DNAH3: variants seen among roughly 807,000 people sequenced by gnomAD.
DNAH3 encodes the protein axonemal beta dynein heavy chain 3.
A neutral mutation model predicts 432.5 loss-of-function variants in DNAH3; 332 were observed. The observed-to-expected ratio is 0.77, with a 90% confidence interval of 0.70 to 0.84. The LOEUF (loss-of-function observed/expected upper bound fraction) is 0.84. DNAH3 is among the 40% of genes least tolerant of loss of function. The probability of loss-of-function intolerance (pLI) is 0.00; values close to 1 mark genes in which losing one functional copy is unlikely to be tolerated. For missense variants in DNAH3, 4,861 were observed against 5,114.0 expected (o/e 0.95, Z 1.51); for synonymous variants, 1,956 against 1,900.2 (o/e 1.03, Z -0.76).
At chr16:21,152,139 C>G (rs2092859384) in intron 1 of DNAH3, among the ~76,000 whole-genome samples, 1 of 152,042 alleles carries the variant, frequency 6.6e-6, no homozygotes, top group Non-Finnish European at 1.5e-5. Flanking sequence ...GGGGCTGAGG[C>G]AGGAGAATCG....
intron 26 of DNAH3, among the ~76,000 whole-genome samples, 182 bp downstream of exon 26, chr16:21,060,082 A>C (rs2090290436): frequency 6.6e-6 from 1 of 152,180 alleles, no homozygotes; most frequent in African/African-American, 2.4e-5. Flanking sequence ...TCTAACTGCC[A>C]GTATTTCACC....
At chr16:21,153,861 T>C (rs2092880558) in intron 1 of DNAH3, among the ~76,000 whole-genome samples, 1 of 152,238 alleles carries the variant, frequency 6.6e-6, no homozygotes, top group African/African-American at 2.4e-5. Context: ...TTTCCCCCTT[T>C]TTCTACTCCT....
At chr16:21,051,898 C>T in intron 28 of DNAH3, 30 bp from the exon 29 acceptor site, 2 of 1,598,910 alleles carry the variant, frequency 1.3e-6, no homozygotes, top group Non-Finnish European at 1.7e-6. Flanking sequence ...GAAACACGCA[C>T]ACAGAGCCAT....
intron 45 of DNAH3, 34 bp downstream of exon 45, chr16:20,987,908 G>A: frequency 6.2e-7 from 1 of 1,614,054 alleles, no homozygotes; most frequent in Non-Finnish European, 8.5e-7. Flanking sequence ...AGAACCCCCA[G>A]CCCACTATCC....
intron 22 of DNAH3, among the ~76,000 whole-genome samples, chr16:21,070,146 A>C (rs775707373): frequency 6.6e-6 from 1 of 152,150 alleles, no homozygotes; most frequent in Non-Finnish European, 1.5e-5. Flanking sequence ...TACTACCATA[A>C]GATGCTTCCC....
chr16:21,125,958 C>A (rs12149153), intron 8 of DNAH3, among the ~76,000 whole-genome samples: 100 of 152,118 alleles, frequency 6.6e-4, no homozygotes, highest in Non-Finnish European at 9.3e-4. Flanking sequence ...ACCAGCCCGG[C>A]CAACATGGCA....
chr16:21,034,147 A>C, intron 35 of DNAH3, 62 bp from the exon 36 acceptor site: 1 of 1,112,242 alleles, frequency 9.0e-7, no homozygotes, highest in Non-Finnish European at 1.3e-6. Context: ...ATTGTGAGTT[A>C]GTCAGAAGTC....
intron 36 of DNAH3, 79 bp from the exon 37 acceptor site, chr16:21,031,365 C>A: frequency 4.6e-6 from 7 of 1,527,822 alleles, no homozygotes; most frequent in South Asian, 1.2e-5. Context: ...GTCATCTCAA[C>A]AACCAATCAA....
intron 16 of DNAH3, among the ~76,000 whole-genome samples, chr16:21,103,577 G>T (rs1051604587): frequency 6.6e-6 from 1 of 152,082 alleles, no homozygotes; most frequent in Non-Finnish European, 1.5e-5. Flanking sequence ...CAAATGTTTT[G>T]CACTCCCTGG....
At chr16:21,072,498 T>C (rs1278623971) in intron 21 of DNAH3, among the ~76,000 whole-genome samples, 1 of 152,132 alleles carries the variant, frequency 6.6e-6, no homozygotes, top group African/African-American at 2.4e-5. Context: ...GGCTAATTTT[T>C]GTACTTTTAG....
intron 29 of DNAH3, among the ~76,000 whole-genome samples, chr16:21,050,387 G>A (rs330138): frequency 0.12 from 18,718 of 152,142 alleles, 1,441 homozygotes; most frequent in African/African-American, 0.2. Context: ...ACATTCCAAA[G>A]ATCACCAGTG....
At chr16:21,074,347 G>T (rs950246869) in intron 21 of DNAH3, among the ~76,000 whole-genome samples, 2 of 152,156 alleles carry the variant, frequency 1.3e-5, no homozygotes, top group African/African-American at 4.8e-5. Flanking sequence ...GGAGGAGCCA[G>T]GAAGAATCCA....
intron 33 of DNAH3, among the ~76,000 whole-genome samples, chr16:21,039,368 G>A (rs999182900): frequency 1.3e-5 from 2 of 151,812 alleles, no homozygotes; most frequent in African/African-American, 2.4e-5. Context: ...ACAGGTGCAC[G>A]CCACCAAGCC....
At chr16:21,054,351 C>A (rs1435792984) in intron 28 of DNAH3, 69 bp downstream of exon 28, 35 of 1,204,036 alleles carry the variant, frequency 2.9e-5, no homozygotes, top group Non-Finnish European at 4.3e-5. Context: ...TCCAGGAGAA[C>A]TGAGATGAGC....
chr16:21,144,767 A>C (rs556756375), intron 3 of DNAH3, among the ~76,000 whole-genome samples: 1 of 152,238 alleles, frequency 6.6e-6, no homozygotes, highest in South Asian at 2.1e-4. Context: ...AGGCTTTGCA[A>C]AGTCTCCAAA....
rs2092642110 is a variant in DNAH3, at chr16:21,136,308, T to C, written c.886+16A>G. ...CATAGAAGCTCCCCAGCCCCCTTTA[T>C]GCCCACCAGCCTTACCGATGCTTTT... On this transcript the variant is annotated intron_variant, in intron 6 of 61. Coordinates refer to ENST00000261383, the Ensembl canonical transcript of DNAH3. 1.9e-6 allele frequency: 3 copies of C among 1,612,476 alleles called. No homozygotes were observed. Among genetic ancestry groups the C allele is most frequent in the Middle Eastern group, 3.3e-4 (2 of 6,052 alleles).
At chr16:21,047,873 T>G (rs1246502674) in intron 31 of DNAH3, among the ~76,000 whole-genome samples, 2 of 150,864 alleles carry the variant, frequency 1.3e-5, no homozygotes, top group Non-Finnish European at 3.0e-5. Context: ...GTCCTTTCTG[T>G]TTGTTAGTTT....
At chr16:20,983,744 G>A (rs1476361834) in intron 48 of DNAH3, among the ~76,000 whole-genome samples, 2 of 152,060 alleles carry the variant, frequency 1.3e-5, no homozygotes, top group Non-Finnish European at 2.9e-5. Flanking sequence ...CTGGCACAGT[G>A]GCTCACGTCT....
At chr16:21,013,150 G>T (rs2087688534) in intron 41 of DNAH3, among the ~76,000 whole-genome samples, 1 of 151,974 alleles carries the variant, frequency 6.6e-6, no homozygotes. Flanking sequence ...CAGAACAGAA[G>T]AAATAAAAAT....
Sources: allele counts gnomAD v4.1 joint callset (sites outside exome capture counted in the v4.1 genomes callset), GRCh38; gene constraint gnomAD v4.1.1; transcripts MANE v1.5; gene names NCBI Gene and HGNC (gene_info 2026-07-23, HGNC 2026-07-21).